Variants in AP5Z1 observed in about 807,000 individuals in gnomAD.
AP5Z1 encodes the protein adaptor related protein complex 5 subunit zeta 1, also known as AP-5 complex subunit zeta-1.
In AP5Z1, 106 loss-of-function variants were observed where a neutral mutation model predicts 83.0. That is an observed-to-expected ratio of 1.28 (90% CI 1.09 to 1.50). The LOEUF (loss-of-function observed/expected upper bound fraction) is 1.50. Ranked by LOEUF, AP5Z1 falls within the 40% of genes most tolerant of loss-of-function variation. The probability of loss-of-function intolerance (pLI) is 0.00; values close to 1 mark genes in which losing one functional copy is unlikely to be tolerated. For synonymous variants in AP5Z1, 751 were observed against 514.1 expected (o/e 1.46, Z -6.23); for missense variants, 1,565 against 1,094.2 (o/e 1.43, Z -6.07).
intron 10 of AP5Z1, among the ~76,000 whole-genome samples, chr7:4,787,130 A>G (rs1045434566): frequency 6.6e-6 from 1 of 152,044 alleles, no homozygotes; most frequent in African/African-American, 2.4e-5. Flanking sequence ...AGGTCTTTTC[A>G]ACTGAGGTGG....
chr7:4,788,167 G>C lies in AP5Z1; in HGVS notation c.1468G>C (p.Ala490Pro). The C allele has an allele frequency of 6.4e-7, 1 of 1,553,762 alleles. No homozygotes were observed. The highest frequency in any genetic ancestry group is 8.7e-7 in the Non-Finnish European group (1 of 1,149,536). Residue 490 changes from alanine to proline, a missense_variant, in exon 12 of 17, where the codon GCA (alanine) becomes CCA (proline). Coordinates refer to ENST00000649063, the MANE Select transcript of AP5Z1 (RefSeq NM_014855.3). ...LDLQLRSAPAASERPLWDTSL... is the reference protein window; with the variant it reads ...LDLQLRSAPAPSERPLWDTSL... The stretch of plus-strand genomic sequence containing the variant: ...CTGTCCACGCAGGTCAGCACCGGCT[G>C]CATCCGAGAGGCCACTCTGGGACAC...
intron 10 of AP5Z1, 114 bp downstream of exon 10, chr7:4,786,542 G>A (rs1781550546): frequency 1.6e-6 from 2 of 1,241,466 alleles, no homozygotes; most frequent in Non-Finnish European, 2.3e-6. Flanking sequence ...AGCCCTGTGA[G>A]TCCCGGGCCT....
At chr7:4,781,121 T>C (rs1781369152) in intron 1 of AP5Z1, 54 bp from the exon 2 acceptor site, 1 of 1,586,462 alleles carries the variant, frequency 6.3e-7, no homozygotes, top group African/African-American at 1.4e-5. Context: ...TTATCCTTTT[T>C]TTGGTTCCGA....
chr7:4,787,463 G>A (rs1033832972), intron 10 of AP5Z1, 171 bp from the exon 11 acceptor site: 5 of 999,126 alleles, frequency 5.0e-6, no homozygotes, highest in Middle Eastern at 3.3e-4. Flanking sequence ...TCCAGCCTGG[G>A]CGACAGAGCA....
chr7:4,777,977 G>A (rs906795254), intron 1 of AP5Z1, among the ~76,000 whole-genome samples: 9 of 152,232 alleles, frequency 5.9e-5, no homozygotes, highest in South Asian at 2.1e-4. Context: ...CGAACACTTC[G>A]GGAGGCCGAG....
chr7:4,782,961 G>A (rs55836783), intron 3 of AP5Z1, among the ~76,000 whole-genome samples: 2 of 152,250 alleles, frequency 1.3e-5, no homozygotes, highest in Non-Finnish European at 2.9e-5. Flanking sequence ...GGTGTGCAGA[G>A]TGAGGTGGGT....
chr7:4,782,145 C>T (rs1222113591), intron 3 of AP5Z1, among the ~76,000 whole-genome samples: 3 of 152,166 alleles, frequency 2.0e-5, no homozygotes, highest in Non-Finnish European at 4.4e-5. Context: ...CTCGACCTCC[C>T]TGGCTCAAGC....
intron 3 of AP5Z1, among the ~76,000 whole-genome samples, chr7:4,782,931 C>T (rs1023295390): frequency 2.0e-5 from 3 of 152,240 alleles, no homozygotes; most frequent in African/African-American, 7.2e-5. Context: ...TCTGGTGCTG[C>T]TCAGATGTTT....
In AP5Z1 at chr7:4,775,702, G is replaced by A; in HGVS notation, c.-14G>A. On this transcript the variant is annotated 5_prime_UTR_variant, in exon 1 of 17. In the 5' UTR this introduces an upstream ATG that the reference lacks. Transcript: ENST00000649063. Reference sequence around the variant, plus strand: ...AGTTTCCGAGGTTCGTGCGCGTCTGGTGGCGGCGGCGTGATGTTCTCGGCA... The same window carrying A: ...AGTTTCCGAGGTTCGTGCGCGTCTGATGGCGGCGGCGTGATGTTCTCGGCA... 2 of 1,607,056 alleles carry A rather than the reference G, an allele frequency of 1.2e-6. No individual in the cohort carries two copies. Among genetic ancestry groups the A allele is most frequent in the East Asian group, 2.2e-5 (1 of 44,864 alleles).
At chr7:4,780,547 G>A (rs1468405748) in intron 1 of AP5Z1, among the ~76,000 whole-genome samples, 2 of 152,024 alleles carry the variant, frequency 1.3e-5, no homozygotes, top group East Asian at 1.9e-4. Flanking sequence ...GGCAGATCAC[G>A]ATGTCAGGAG....
Position 4,792,276 on chromosome 7 carries a change from C to G in AP5Z1, c.*891C>G, listed in dbSNP as rs553851601. ...CCAGGGGGCGCCGCCGCCCCGAGAG[C>G]CTCACGCCCCGCCCCCAGGCTCAAA... is the stretch of plus-strand genomic sequence containing the variant. On this transcript the variant is annotated 3_prime_UTR_variant, in exon 17 of 17. Transcript: ENST00000649063. 1 of 152,322 alleles carries G rather than the reference C, an allele frequency of 6.6e-6. No individual in the cohort carries two copies. Among genetic ancestry groups the G allele is most frequent in the East Asian group, 1.9e-4 (1 of 5,156 alleles). 9.4% of individuals were successfully genotyped at this position (152,322 alleles called of 1,614,324 possible).
intron 13 of AP5Z1, 61 bp downstream of exon 13, chr7:4,789,012 A>G: frequency 2.1e-6 from 3 of 1,431,014 alleles, no homozygotes; most frequent in Non-Finnish European, 2.9e-6. Flanking sequence ...GGCAGGCCAG[A>G]GCCAGCACTG....
chr7:4,792,215 G>T lies in AP5Z1; in HGVS notation c.*830G>T, dbSNP rs928227283. On this transcript the variant is annotated 3_prime_UTR_variant, in exon 17 of 17. Transcript: ENST00000649063. ...CGGACTACCAAGGCACAGCTGTGTC[G>T]CACGTTCCGCCCGGTGCCTGGGACG... 6.6e-6 allele frequency: 1 copy of T among 152,214 alleles called. No individual in the cohort carries two copies. Among genetic ancestry groups the T allele is most frequent in the African/African-American group, 2.4e-5 (1 of 41,418 alleles). The allele number at this position is 152,214 out of a possible 1,614,324, so 9.4% of individuals were successfully genotyped here. A position where few individuals can be genotyped will look rare whatever the true frequency, so the allele number is the denominator to read the frequency against.
In AP5Z1 at chr7:4,792,783, T is replaced by C. The variant is rs2115135561; in HGVS notation, c.*1398T>C. On this transcript the variant is annotated 3_prime_UTR_variant, in exon 17 of 17. Transcript: ENST00000649063. ...AAACAGCAGCGCACGTGTACAACTG[T>C]GCATACCAAGGCGTGCGTGCCAGTG... 1 of 152,398 alleles carries C rather than the reference T, an allele frequency of 6.6e-6. No homozygotes were observed. Among genetic ancestry groups the C allele is most frequent in the African/African-American group, 2.4e-5 (1 of 41,594 alleles). 9.4% of individuals were successfully genotyped at this position (152,398 alleles called of 1,614,324 possible).
intron 3 of AP5Z1, among the ~76,000 whole-genome samples, chr7:4,782,332 T>C (rs1385128239): frequency 6.6e-6 from 1 of 152,148 alleles, no homozygotes; most frequent in Non-Finnish European, 1.5e-5. Flanking sequence ...GCCAAGTCCA[T>C]GTCCTCCCTC....
chr7:4,786,242 T>G lies in AP5Z1; in HGVS notation c.1133-8T>G, dbSNP rs1222932722. On this transcript the variant is annotated splice_region_variant and splice_polypyrimidine_tract_variant and intron_variant, in intron 9 of 16. Transcript: ENST00000649063. ...AGACGTGTGCCCTGGCGGGCCCTGG[T>G]CTTGCAGGGGAAGCGGCTGCAGTGG... The G allele has an allele frequency of 6.3e-7, 1 of 1,595,710 alleles. No individual in the cohort carries two copies. The highest frequency in any genetic ancestry group is 8.6e-7 in the Non-Finnish European group (1 of 1,169,452).
intron 1 of AP5Z1, among the ~76,000 whole-genome samples, chr7:4,777,597 C>T (rs1022664135): frequency 2.0e-5 from 3 of 152,112 alleles, no homozygotes; most frequent in Non-Finnish European, 4.4e-5. Context: ...CCACATTGTC[C>T]AGGCTGGTCT....
chr7:4,780,010 C>T lies in AP5Z1; in HGVS notation c.42-1165C>T, dbSNP rs143863941. Among the ~76,000 whole-genome samples, 483 of 152,060 alleles carry T rather than the reference C, an allele frequency of 3.2e-3. 3 individuals are homozygous for T. The highest frequency in any genetic ancestry group is 0.011 in the African/African-American group (441 of 41,488). ...TGCCCAGGATGGTCTCAGACATCTG[C>T]ACTCAACTCATCCTCCCACCTCAGC... On this transcript the variant is annotated intron_variant, in intron 1 of 16. Coordinates refer to ENST00000649063, the MANE Select transcript of AP5Z1 (RefSeq NM_014855.3).
chr7:4,785,482 G>C (rs372941054), intron 8 of AP5Z1, 30 bp downstream of exon 8: 4 of 1,612,926 alleles, frequency 2.5e-6, no homozygotes, highest in Non-Finnish European at 3.4e-6. Flanking sequence ...GGGATGGGAG[G>C]CAGCGACTCG....
Sources: allele counts gnomAD v4.1 joint callset (sites outside exome capture counted in the v4.1 genomes callset), GRCh38; gene constraint gnomAD v4.1.1; transcripts MANE v1.5; gene names NCBI Gene and HGNC (gene_info 2026-07-23, HGNC 2026-07-21).